DRC2: variants seen among roughly 807,000 people sequenced by gnomAD.
DRC2 encodes the protein coiled-coil domain containing 65.
At chr12:48,916,895 A>C in the DRC2 span, 103 of 1,432,434 alleles carry the variant, frequency 7.2e-5, no homozygotes, top group African/African-American at 1.2e-3. Flanking sequence ...CATAGATTAC[A>C]TACTGCTTTG....
At chr12:48,911,968 A>T in the DRC2 span, among the ~76,000 whole-genome samples, 1 of 152,098 alleles carries the variant, frequency 6.6e-6, no homozygotes, top group Non-Finnish European at 1.5e-5. Context: ...ATTTAAAAAA[A>T]AAAACTTCTG....
At chr12:48,917,035 A>G in the DRC2 span, 1 of 1,614,064 alleles carries the variant, frequency 6.2e-7, no homozygotes, top group Non-Finnish European at 8.5e-7. Flanking sequence ...ATGGCCATGG[A>G]GCAGAACTAT....
At chr12:48,913,974 G>A in the DRC2 span, among the ~76,000 whole-genome samples, 1 of 136,682 alleles carries the variant, frequency 7.3e-6, no homozygotes, top group Non-Finnish European at 1.5e-5. Flanking sequence ...CTGTCACCCA[G>A]GCTGGAGTGT....
the DRC2 span, among the ~76,000 whole-genome samples, chr12:48,911,523 C>A: frequency 7.2e-5 from 11 of 151,858 alleles, no homozygotes; most frequent in Admixed American, 3.9e-4. Flanking sequence ...TGCCACCTGA[C>A]CCCAGCCTGG....
At chr12:48,909,924 G>A in the DRC2 span, among the ~76,000 whole-genome samples, 11 of 151,992 alleles carry the variant, frequency 7.2e-5, no homozygotes, top group Non-Finnish European at 1.5e-4. Context: ...GGGACTACAG[G>A]TGTGCGCCAC....
At chr12:48,913,930 T>G in the DRC2 span, among the ~76,000 whole-genome samples, 1 of 147,402 alleles carries the variant, frequency 6.8e-6, no homozygotes, top group Non-Finnish European at 1.5e-5. Context: ...CCAGTCTTTT[T>G]TTTTTTTTTT....
the DRC2 span, chr12:48,916,998 G>C: frequency 6.2e-7 from 1 of 1,614,120 alleles, no homozygotes; most frequent in Non-Finnish European, 8.5e-7. Context: ...ACATGAGAAA[G>C]AGATTCACTA....
At chr12:48,904,413 T>C in the DRC2 span, 1 of 1,614,128 alleles carries the variant, frequency 6.2e-7, no homozygotes, top group African/African-American at 1.3e-5. Context: ...CAGAAGTTGC[T>C]GGCAGAGGAG....
the DRC2 span, chr12:48,918,649 C>T: frequency 0.37 from 591,664 of 1,595,898 alleles, 114,147 homozygotes; most frequent in Admixed American, 0.52. Flanking sequence ...CTCAGTTGGT[C>T]AAGTAGATTT....
the DRC2 span, among the ~76,000 whole-genome samples, chr12:48,907,043 A>G: frequency 6.6e-6 from 1 of 151,566 alleles, no homozygotes; most frequent in Non-Finnish European, 1.5e-5. Flanking sequence ...GTGAAACCCC[A>G]TCTCTACTAA....
the DRC2 span, chr12:48,904,263 A>G: frequency 1.3e-6 from 2 of 1,529,932 alleles, no homozygotes; most frequent in South Asian, 2.5e-5. Context: ...TTCTAGGGAC[A>G]TTTTTCTTCT....
chr12:48,918,580 AGAT>A, the DRC2 span: 1 of 1,486,008 alleles, frequency 6.7e-7, no homozygotes, highest in Non-Finnish European at 9.2e-7. Context: ...GGTTGGGAAA[AGAT>A]GATATGCTCT....
At chr12:48,908,570 GATTATTATTATTATT>G in the DRC2 span, among the ~76,000 whole-genome samples, 29 of 141,064 alleles carry the variant, frequency 2.1e-4, no homozygotes, top group South Asian at 6.8e-4. Context: ...GAACTACCAG[GATTATTATTATTATT>G]ATTATTATTA....
At chr12:48,920,960 T>C in the DRC2 span, 3 of 1,613,612 alleles carry the variant, frequency 1.9e-6, no homozygotes, top group Middle Eastern at 1.7e-4. Context: ...TGCTGAAATA[T>C]GTAGGAAATT....
chr12:48,921,327 G>C, the DRC2 span: 1 of 1,614,186 alleles, frequency 6.2e-7, no homozygotes, highest in Non-Finnish European at 8.5e-7. Flanking sequence ...CTCAGTGAGT[G>C]ACGAAGTGCT....
the DRC2 span, among the ~76,000 whole-genome samples, chr12:48,912,078 T>C: frequency 6.6e-6 from 1 of 151,750 alleles, no homozygotes; most frequent in Non-Finnish European, 1.5e-5. Context: ...ACCAACATGG[T>C]GAAATCTCAT....
the DRC2 span, chr12:48,904,208 G>T: frequency 7.8e-7 from 1 of 1,287,948 alleles, no homozygotes; most frequent in Non-Finnish European, 1.1e-6. Flanking sequence ...TGAGATCTCC[G>T]GTCCCACAAC....
the DRC2 span, among the ~76,000 whole-genome samples, chr12:48,920,441 T>TTAAAA: frequency 3.5e-3 from 237 of 67,808 alleles, 23 homozygotes; most frequent in African/African-American, 0.013. Flanking sequence ...AACTCCATCT[T>TTAAAA]AAAAAAAAAA....
chr12:48,912,600 C>G, the DRC2 span, among the ~76,000 whole-genome samples: 1 of 152,076 alleles, frequency 6.6e-6, no homozygotes, highest in South Asian at 2.1e-4. Context: ...AGTGTCACTT[C>G]CACCATATTC....
Sources: gnomAD v4.1 joint callset for allele counts (sites outside exome capture counted in the v4.1 genomes callset) on GRCh38, gnomAD v4.1.1 for gene constraint, MANE v1.5 for transcripts, NCBI Gene and HGNC (gene_info 2026-07-23, HGNC 2026-07-21) for gene names.